The following ESPNL variants were observed in gnomAD, a reference collection of about 807,000 sequenced individuals.
ESPNL encodes espin like, also known as espin-like protein.
ESPNL carries 49 observed loss-of-function variants against 46.8 expected under a neutral mutation model. That is an observed-to-expected ratio of 1.05 (90% CI 0.83 to 1.33). The LOEUF (loss-of-function observed/expected upper bound fraction) is 1.33, where lower values mean the gene tolerates loss of function less well. Among genes scored for constraint, ESPNL ranks in the 40% most tolerant of loss-of-function variants. ESPNL has a pLI of 0.00. For missense variants in ESPNL, 1,540 were observed against 1,436.6 expected (o/e 1.07, Z -1.16); for synonymous variants, 664 against 662.1 (o/e 1.00, Z -0.04).
At chr2:238,115,568 T>A (rs1020336462) in intron 4 of ESPNL, among the ~76,000 whole-genome samples, 5 of 152,228 alleles carry the variant, frequency 3.3e-5, no homozygotes, top group Non-Finnish European at 7.3e-5. Context: ...CACCCGCCGC[T>A]CCACATGCAT....
intron 5 of ESPNL, among the ~76,000 whole-genome samples, chr2:238,120,672 A>G (rs976936868): frequency 6.6e-6 from 1 of 152,216 alleles, no homozygotes; most frequent in Non-Finnish European, 1.5e-5. Flanking sequence ...AGCTCGGGGT[A>G]GGGACTGGAG....
chr2:238,125,861 G>C (rs748881820), intron 6 of ESPNL, among the ~76,000 whole-genome samples: 2 of 152,156 alleles, frequency 1.3e-5, no homozygotes, highest in Non-Finnish European at 2.9e-5. Flanking sequence ...CTTCCTCCAC[G>C]GGCCCTGCTG....
At position 238,130,403 on chromosome 2, in the gene ESPNL, T is replaced by C; in HGVS notation, c.1689T>C (p.Val563=). ...TGCCCCGGGCGCCCGGACTGGAGGT[T>C]GAGGAGGCCTCAATCCCAGCGGCTG... The part of the protein sequence containing the change: ...HFLPRAPGLE[V]EEASIPAAEP... The change falls in exon 9 of 9, where the codon GTT becomes GTC. Residue 563 remains valine (V), a synonymous_variant. Coordinates refer to ENST00000343063, the MANE Select transcript of ESPNL (RefSeq NM_194312.4). The C allele has an allele frequency of 1.9e-6, 3 of 1,610,712 alleles. No homozygotes were observed. Among genetic ancestry groups the C allele is most frequent in the Non-Finnish European group, 1.7e-6 (2 of 1,179,146 alleles).
At chr2:238,103,570 T>A (rs1691532357) in intron 2 of ESPNL, among the ~76,000 whole-genome samples, 1 of 152,210 alleles carries the variant, frequency 6.6e-6, no homozygotes, top group Admixed American at 6.5e-5. Flanking sequence ...TGGCTGCCCC[T>A]GGCCAGACCA....
intron 6 of ESPNL, among the ~76,000 whole-genome samples, chr2:238,126,827 C>G (rs1692134589): frequency 6.8e-6 from 1 of 146,336 alleles, no homozygotes. Flanking sequence ...GTGTGTTTCT[C>G]TGTGTGTGAC....
chr2:238,123,591 C>A (rs1455254781), intron 5 of ESPNL, among the ~76,000 whole-genome samples: 1 of 152,172 alleles, frequency 6.6e-6, no homozygotes, highest in East Asian at 1.9e-4. Flanking sequence ...ATCCCACACC[C>A]GGCCCAAGCC....
chr2:238,123,980 G>A (rs1031085619), intron 5 of ESPNL, among the ~76,000 whole-genome samples: 1 of 152,224 alleles, frequency 6.6e-6, no homozygotes, highest in South Asian at 2.1e-4. Context: ...GAGGCTTAGG[G>A]AGGCCAGAGA....
intron 8 of ESPNL, among the ~76,000 whole-genome samples, chr2:238,129,446 C>T (rs527525780): frequency 5.3e-5 from 8 of 152,194 alleles, no homozygotes; most frequent in South Asian, 2.1e-4. Flanking sequence ...CCGGGCTGGC[C>T]GGGGGAGGAG....
chr2:238,126,768 CTGTG>C (rs1010304024), intron 6 of ESPNL, among the ~76,000 whole-genome samples: 3 of 147,574 alleles, frequency 2.0e-5, no homozygotes, highest in East Asian at 2.1e-4. Context: ...GTCTGTGTAT[CTGTG>C]TGTGATTCTG....
intron 4 of ESPNL, among the ~76,000 whole-genome samples, chr2:238,111,687 A>C (rs1691720980): frequency 6.6e-6 from 1 of 152,196 alleles, no homozygotes; most frequent in South Asian, 2.1e-4. Context: ...TCATCTGCTA[A>C]TGGACATTTG....
At chr2:238,109,611 C>T (rs7567226) in intron 4 of ESPNL, among the ~76,000 whole-genome samples, 1 of 152,108 alleles carries the variant, frequency 6.6e-6, no homozygotes, top group Admixed American at 6.5e-5. Flanking sequence ...CCCACCTCAG[C>T]CTTCCAAAGT....
At chr2:238,107,222 A>G (rs1691615780) in intron 3 of ESPNL, among the ~76,000 whole-genome samples, 1 of 152,202 alleles carries the variant, frequency 6.6e-6, no homozygotes, top group African/African-American at 2.4e-5. Context: ...GGACCACAGC[A>G]GGGGCCCTTC....
intron 4 of ESPNL, among the ~76,000 whole-genome samples, chr2:238,116,188 G>A (rs566027110): frequency 3.9e-5 from 6 of 152,300 alleles, no homozygotes; most frequent in East Asian, 3.9e-4. Context: ...GAGGTCCCCC[G>A]TCCCTCTTCC....
intron 5 of ESPNL, among the ~76,000 whole-genome samples, chr2:238,118,361 GA>G (rs1375557062): frequency 3.0e-5 from 3 of 101,362 alleles, no homozygotes; most frequent in Admixed American, 8.8e-5. Flanking sequence ...GATGGAGGAG[GA>G]ATGGATGGAG....
At position 238,128,885 on chromosome 2, in the gene ESPNL, AGAG is replaced by A; in HGVS notation, c.1395_1397del (p.Glu465_Ser466delinsAsp). Reference sequence around the variant, plus strand: ...AAGCTGCAGGCGCGCCTGGGCGCAGAGAGCTCCGCAGAGGCCCAGGTAGGCCCC... The same window carrying A: ...AAGCTGCAGGCGCGCCTGGGCGCAGACTCCGCAGAGGCCCAGGTAGGCCCC... On this transcript the variant is annotated inframe_deletion, in exon 8 of 9. Transcript: ENST00000343063. 6.5e-7 allele frequency: 1 copy of A among 1,542,534 alleles called. No homozygotes were observed. The highest frequency in any genetic ancestry group is 8.7e-7 in the Non-Finnish European group (1 of 1,146,042).
chr2:238,115,507 G>T (rs1163846762), intron 4 of ESPNL, among the ~76,000 whole-genome samples: 1 of 152,224 alleles, frequency 6.6e-6, no homozygotes, highest in African/African-American at 2.4e-5. Flanking sequence ...TCGCTGCCAG[G>T]CCCCCTGCCA....
chr2:238,108,394 C>T (rs1389685074), intron 4 of ESPNL, among the ~76,000 whole-genome samples: 1 of 148,330 alleles, frequency 6.7e-6, no homozygotes, highest in Non-Finnish European at 1.5e-5. Flanking sequence ...ACACGACATC[C>T]AAAAACCCCA....
chr2:238,125,886 CAT>C (rs1692095486), intron 6 of ESPNL, among the ~76,000 whole-genome samples: 1 of 152,332 alleles, frequency 6.6e-6, no homozygotes, highest in Admixed American at 6.5e-5. Flanking sequence ...CCTGTACTCA[CAT>C]GTGGGAGTGT....
intron 5 of ESPNL, among the ~76,000 whole-genome samples, chr2:238,123,213 G>A (rs1361815832): frequency 3.3e-5 from 5 of 152,330 alleles, no homozygotes; most frequent in African/African-American, 1.2e-4. Flanking sequence ...GCCCTGAGAA[G>A]TGGCCCAGAA....
Sources: gnomAD v4.1 joint callset for allele counts (sites outside exome capture counted in the v4.1 genomes callset) on GRCh38, gnomAD v4.1.1 for gene constraint, MANE v1.5 for transcripts, NCBI Gene and HGNC (gene_info 2026-07-23, HGNC 2026-07-21) for gene names.